CCSER1: variants seen among roughly 807,000 people sequenced by gnomAD.
CCSER1 encodes coiled-coil serine rich protein 1, also known as serine-rich coiled-coil domain-containing protein 1.
CCSER1 carries 41 observed loss-of-function variants against 82.0 expected under a neutral mutation model. The observed-to-expected ratio is 0.50, with a 90% CI of 0.39 to 0.65. The LOEUF (loss-of-function observed/expected upper bound fraction) is 0.65, where lower values mean the gene tolerates loss of function less well. Ranked by LOEUF, CCSER1 falls within the 30% of genes least tolerant of loss-of-function variation. The probability of loss-of-function intolerance (pLI) is 0.00; values close to 1 mark genes in which losing one functional copy is unlikely to be tolerated. For synonymous variants in CCSER1, 414 were observed against 383.9 expected, an observed-to-expected ratio of 1.08 and a Z score of -0.92; for missense variants, 1,119 against 1,064.2, an observed-to-expected ratio of 1.05 and a Z score of -0.72.
intron 9 of CCSER1, among the ~76,000 whole-genome samples, chr4:91,007,800 G>A (rs1241121654): frequency 1.3e-5 from 2 of 150,316 alleles, no homozygotes; most frequent in East Asian, 3.9e-4. Flanking sequence ...GTTTGTTCTT[G>A]TTTTACTAGT....
chr4:91,571,341 A>G (rs1578820038), intron 10 of CCSER1, among the ~76,000 whole-genome samples: 3 of 152,218 alleles, frequency 2.0e-5, no homozygotes, highest in Non-Finnish European at 4.4e-5. Context: ...GTATCGTTAT[A>G]GCAGCACCCC....
chr4:90,612,150 C>A lies in CCSER1; in HGVS notation c.1725-15875C>A, dbSNP rs115325850. ...AATACCTTAAGACTTAAAACAACAA[C>A]AAAAAAATAAACTATTTAGTTCCAC... On this transcript the variant is annotated intron_variant, in intron 5 of 10. Transcript: ENST00000509176. Among the ~76,000 whole-genome samples, 1,494 of 151,834 alleles carry A rather than the reference C, an allele frequency of 9.8e-3. 32 individuals are homozygous for A. The highest frequency in any genetic ancestry group is 0.034 in the African/African-American group (1,404 of 41,450).
At chr4:91,435,705 C>A (rs1754607551) in intron 10 of CCSER1, among the ~76,000 whole-genome samples, 1 of 152,106 alleles carries the variant, frequency 6.6e-6, no homozygotes, top group Non-Finnish European at 1.5e-5. Context: ...TAATTAGACA[C>A]AAGAAAGTAA....
At chr4:90,364,061 G>C (rs1237737619) in intron 3 of CCSER1, among the ~76,000 whole-genome samples, 1 of 152,076 alleles carries the variant, frequency 6.6e-6, no homozygotes, top group East Asian at 1.9e-4. Context: ...TTTTGCTTTA[G>C]TAAATTGGGT....
intron 1 of CCSER1, among the ~76,000 whole-genome samples, chr4:90,232,819 G>A (rs1045211124): frequency 5.3e-5 from 8 of 151,460 alleles, no homozygotes; most frequent in African/African-American, 7.3e-5. Flanking sequence ...TGAAGGACAT[G>A]AACAGACACT....
intron 10 of CCSER1, among the ~76,000 whole-genome samples, chr4:91,164,869 T>A (rs1198938415): frequency 6.6e-6 from 1 of 152,230 alleles, no homozygotes; most frequent in Non-Finnish European, 1.5e-5. Context: ...TTGCAATGGG[T>A]TCAAACGTCT....
chr4:90,870,967 T>C (rs1455316253), intron 8 of CCSER1, among the ~76,000 whole-genome samples: 1 of 151,230 alleles, frequency 6.6e-6, no homozygotes, highest in Non-Finnish European at 1.5e-5. Flanking sequence ...TTTTTCCTTT[T>C]TTAATGTATG....
rs753212723 is a variant in CCSER1, at chr4:90,308,364, A to T, written c.80A>T (p.Asp27Val). The T allele has an allele frequency of 6.2e-7, 1 of 1,613,442 alleles. No individual in the cohort carries two copies. Among genetic ancestry groups the T allele is most frequent in the Non-Finnish European group, 8.5e-7 (1 of 1,179,690 alleles). The change falls in exon 2 of 11, where the codon GAT (aspartate) becomes GTT (valine). Residue 27 changes from aspartate (D) to valine (V), a missense_variant. Asp to Val is a radical substitution (Grantham distance 152). Transcript: ENST00000509176. ...AGAAGAAGTATTAACAGAAGACATG[A>T]TTCTCTTCCTTCTTCACCTTCTTCC... is the stretch of plus-strand genomic sequence containing the variant. ...IFRRSINRRHDSLPSSPSSSN... is the reference protein window; with the variant it reads ...IFRRSINRRHVSLPSSPSSSN...
At chr4:90,928,239 G>C (rs963030890) in intron 9 of CCSER1, among the ~76,000 whole-genome samples, 5 of 151,966 alleles carry the variant, frequency 3.3e-5, no homozygotes, top group African/African-American at 1.2e-4. Context: ...TTACATTAAA[G>C]ATAACTTTTA....
chr4:90,669,221 C>T (rs2149136389), intron 6 of CCSER1, among the ~76,000 whole-genome samples: 1 of 152,140 alleles, frequency 6.6e-6, no homozygotes, highest in Admixed American at 6.5e-5. Flanking sequence ...TCTTTCTCTT[C>T]TGCTTCTTTT....
chr4:90,489,737 G>A (rs1767672989), intron 5 of CCSER1, among the ~76,000 whole-genome samples: 1 of 152,076 alleles, frequency 6.6e-6, no homozygotes, highest in Non-Finnish European at 1.5e-5. Context: ...TGTTCTCATT[G>A]TTTAATTCCC....
chr4:90,884,102 G>T (rs1721754252), intron 8 of CCSER1, among the ~76,000 whole-genome samples: 1 of 152,054 alleles, frequency 6.6e-6, no homozygotes, highest in Non-Finnish European at 1.5e-5. Flanking sequence ...GAGACCTCTG[G>T]ATAGCTATAT....
chr4:90,833,666 G>A (rs1406679721), intron 8 of CCSER1, among the ~76,000 whole-genome samples: 1 of 152,122 alleles, frequency 6.6e-6, no homozygotes, highest in Non-Finnish European at 1.5e-5. Context: ...ATAAATTAAT[G>A]CATTATTCTT....
At chr4:91,367,205 T>C (rs369951058) in intron 10 of CCSER1, among the ~76,000 whole-genome samples, 1 of 146,120 alleles carries the variant, frequency 6.8e-6, no homozygotes, top group African/African-American at 2.5e-5. Context: ...TAGTCGAAGC[T>C]ACTTGGGGGG....
chr4:90,155,641 T>G (rs1297037445), intron 1 of CCSER1, among the ~76,000 whole-genome samples: 4 of 152,250 alleles, frequency 2.6e-5, no homozygotes, highest in Non-Finnish European at 5.9e-5. Flanking sequence ...TATCCATTTC[T>G]TCTAGATTTT....
At chr4:90,658,666 C>G (rs994296967) in intron 6 of CCSER1, among the ~76,000 whole-genome samples, 1 of 152,132 alleles carries the variant, frequency 6.6e-6, no homozygotes, top group African/African-American at 2.4e-5. Flanking sequence ...TCAGAGTAAA[C>G]CATACTTATG....
At chr4:91,149,483 T>G (rs2148948657) in intron 10 of CCSER1, among the ~76,000 whole-genome samples, 1 of 152,358 alleles carries the variant, frequency 6.6e-6, no homozygotes. Flanking sequence ...TTTAGTATAA[T>G]TAGATCCCAT....
chr4:90,260,497 A>G (rs1724121899), intron 1 of CCSER1, among the ~76,000 whole-genome samples: 1 of 151,942 alleles, frequency 6.6e-6, no homozygotes, highest in African/African-American at 2.4e-5. Context: ...TACTTTTATG[A>G]TGATATAATA....
chr4:90,617,353 T>C (rs1057381778), intron 5 of CCSER1, among the ~76,000 whole-genome samples: 10 of 152,186 alleles, frequency 6.6e-5, no homozygotes, highest in African/African-American at 2.4e-4. Context: ...TGAGTTTTTA[T>C]TCTCATCTCT....
Sources: gnomAD v4.1 joint callset for allele counts (sites outside exome capture counted in the v4.1 genomes callset) on GRCh38, gnomAD v4.1.1 for gene constraint, MANE v1.5 for transcripts, NCBI Gene and HGNC (gene_info 2026-07-23, HGNC 2026-07-21) for gene names.